CCDC186: variants seen among roughly 807,000 people sequenced by gnomAD.
CCDC186 encodes coiled-coil domain containing 186.
A neutral mutation model predicts 113.7 loss-of-function variants in CCDC186; 49 were observed. The observed-to-expected ratio is 0.43, with a 90% CI of 0.34 to 0.55. CCDC186 has a LOEUF of 0.55. CCDC186 is among the 20% of genes least tolerant of loss of function. The probability of loss-of-function intolerance (pLI) is 0.02; values close to 1 mark genes in which losing one functional copy is unlikely to be tolerated. For missense variants in CCDC186, 890 were observed against 1,011.1 expected (o/e 0.88, Z 1.62); for synonymous variants, 355 against 345.8 (o/e 1.03, Z -0.30).
At position 114,134,807 on chromosome 10, in the gene CCDC186, A is replaced by G. The variant is rs921930480; in HGVS notation, c.1655+106T>C. 3.1e-6 allele frequency: 4 copies of G among 1,280,492 alleles called. No individual in the cohort carries two copies. In the African/African-American group the frequency reaches 6.1e-5, roughly 20 times the overall value. The allele number at this position is 1,280,492 out of a possible 1,614,324, so 79.3% of individuals were successfully genotyped here. On this transcript the variant is annotated intron_variant, in intron 10 of 15. Coordinates refer to ENST00000369287, the MANE Select transcript of CCDC186 (RefSeq NM_018017.4). ...AAAATATTTAAAAATTTCAGCTAGT[A>G]AAATTGTAAAATTTTTTGTTTAATG...
intron 10 of CCDC186, among the ~76,000 whole-genome samples, chr10:114,132,912 C>T: frequency 6.6e-6 from 1 of 152,182 alleles, no homozygotes; most frequent in Non-Finnish European, 1.5e-5. Flanking sequence ...AATCCATAAA[C>T]ATCTGTTAAT....
At chr10:114,145,346 C>T (rs1021551075) in intron 5 of CCDC186, among the ~76,000 whole-genome samples, 1 of 151,840 alleles carries the variant, frequency 6.6e-6, no homozygotes, top group Non-Finnish European at 1.5e-5. Context: ...CTTATTTTTT[C>T]CCTAGCAAAC....
intron 6 of CCDC186, 83 bp downstream of exon 6, chr10:114,144,414 T>G: frequency 6.8e-7 from 1 of 1,477,322 alleles, no homozygotes; most frequent in South Asian, 1.3e-5. Context: ...AGAGCGAGAC[T>G]CCGTCTCAAA....
intron 6 of CCDC186, among the ~76,000 whole-genome samples, chr10:114,140,245 T>C (rs761487069): frequency 6.6e-6 from 1 of 152,232 alleles, no homozygotes. Flanking sequence ...GATGAAAGTT[T>C]AGATAGAATA....
chr10:114,152,708 CTTAA>C (rs1482367310), intron 3 of CCDC186, among the ~76,000 whole-genome samples: 2 of 151,924 alleles, frequency 1.3e-5, no homozygotes, highest in African/African-American at 4.8e-5. Context: ...AACTAACAGA[CTTAA>C]TTAAAGAAAC....
chr10:114,157,405 T>G, intron 3 of CCDC186, 149 bp downstream of exon 3: 4 of 494,216 alleles, frequency 8.1e-6, no homozygotes, highest in Non-Finnish European at 6.6e-6. Context: ...TTGCCCAGGC[T>G]GGTCTCAAAC....
At chr10:114,135,807 T>C (rs1332989090) in intron 9 of CCDC186, 84 bp downstream of exon 9, 2 of 1,086,594 alleles carry the variant, frequency 1.8e-6, no homozygotes, top group Non-Finnish European at 2.7e-6. Flanking sequence ...TAATGTCCTT[T>C]CCCCACCACT....
Position 114,144,606 on chromosome 10 carries a change from G to T in CCDC186, c.1112C>A (p.Thr371Lys). The change falls in exon 6 of 16, where the codon ACG becomes AAG. Residue 371 changes from threonine to lysine, a missense_variant. Physicochemically the swap from Thr to Lys is moderately conservative, Grantham distance 78. Transcript: ENST00000369287. ...GTCTATTTCTCTGATGAGTCTAGTCGTTTCGCCTTCCTAAAATAATATCAC... is the reference window on the plus strand; with the variant it reads ...GTCTATTTCTCTGATGAGTCTAGTCTTTTCGCCTTCCTAAAATAATATCAC... The part of the protein sequence containing the change: ...HQLYETKEGE[T>K]TRLIREIDKL... 6.2e-7 allele frequency: 1 copy of T among 1,608,038 alleles called. No homozygotes were observed. Among genetic ancestry groups the T allele is most frequent in the Non-Finnish European group, 8.5e-7 (1 of 1,176,528 alleles).
intron 1 of CCDC186, among the ~76,000 whole-genome samples, chr10:114,164,185 A>G (rs1469617469): frequency 7.7e-6 from 1 of 129,102 alleles, no homozygotes; most frequent in Non-Finnish European, 1.6e-5. Flanking sequence ...CAATGGTGAG[A>G]TCTCGGCTCA....
At position 114,166,933 on chromosome 10, in the gene CCDC186, G is replaced by GT. The variant is rs541266928; in HGVS notation, c.-61-3605dup. ...TAACCTCAAAAGGCAAGTACTTTCT[G>GT]TAACTTCTGTCAGCAATATGCTCAT... On this transcript the variant is annotated intron_variant, in intron 1 of 15. Coordinates refer to ENST00000369287, the MANE Select transcript of CCDC186 (RefSeq NM_018017.4). Among the ~76,000 whole-genome samples the GT allele has an allele frequency of 4.6e-5, 7 of 150,970 alleles. No individual in the cohort carries two copies. In the East Asian group the frequency reaches 1.2e-3, roughly 25 times the overall value.
At chr10:114,143,732 C>T (rs984813306) in intron 6 of CCDC186, among the ~76,000 whole-genome samples, 7 of 152,224 alleles carry the variant, frequency 4.6e-5, no homozygotes, top group South Asian at 4.1e-4. Context: ...CTATTTAATG[C>T]GGTAATCCAC....
chr10:114,133,748 C>T (rs367784000), intron 10 of CCDC186, among the ~76,000 whole-genome samples: 1 of 152,026 alleles, frequency 6.6e-6, no homozygotes, highest in Non-Finnish European at 1.5e-5. Flanking sequence ...AGGGATACAT[C>T]AGTAATTTTT....
chr10:114,125,305 T>C, intron 15 of CCDC186, 79 bp from the exon 16 acceptor site: 1 of 1,120,440 alleles, frequency 8.9e-7, no homozygotes, highest in South Asian at 1.5e-5. Context: ...TGAACTATTT[T>C]TTGCCTAAAT....
intron 4 of CCDC186, among the ~76,000 whole-genome samples, chr10:114,147,703 A>C (rs1218833926): frequency 6.6e-6 from 1 of 152,242 alleles, no homozygotes; most frequent in Non-Finnish European, 1.5e-5. Flanking sequence ...AGAATTTATA[A>C]ATCAGAAGCT....
chr10:114,149,802 AAGGAAGGAAGGAAGGC>A (rs879874973), intron 4 of CCDC186, among the ~76,000 whole-genome samples: 1,525 of 39,648 alleles, frequency 0.038, 24 homozygotes, highest in South Asian at 0.13. Flanking sequence ...GGAAGGAAGG[AAGGAAGGAAGGAAGGC>A]AGGAAGGCAG....
At chr10:114,144,714 A>G (rs2031582891) in intron 5 of CCDC186, 98 bp from the exon 6 acceptor site, 1 of 1,090,380 alleles carries the variant, frequency 9.2e-7, no homozygotes, top group African/African-American at 1.6e-5. Context: ...TAACACTATA[A>G]TCAAGGGCTG....
Position 114,163,039 on chromosome 10 carries a change from T to G in CCDC186, c.230A>C (p.Glu77Ala), listed in dbSNP as rs2032226763. Residue 77 changes from glutamate to alanine, a missense_variant, in exon 2 of 16, where the codon GAG becomes GCG. By Grantham distance (107) the Glu-to-Ala change is moderately radical. Transcript: ENST00000369287. ...ENYIPDHGGG[E>A]DSCAKTDTGS... ...TGTGTCTGTTTTGGCACAAGAATCC[T>G]CACCTCCACCATGATCTGGAATATA... 10 of 1,614,148 alleles carry G rather than the reference T, an allele frequency of 6.2e-6. No homozygotes were observed. The highest frequency in any genetic ancestry group is 8.5e-6 in the Non-Finnish European group (10 of 1,179,996).
intron 10 of CCDC186, among the ~76,000 whole-genome samples, chr10:114,133,735 T>G (rs2031166583): frequency 6.6e-6 from 1 of 152,184 alleles, no homozygotes; most frequent in African/African-American, 2.4e-5. Context: ...GTCTACCATA[T>G]GCAGGGATAC....
chr10:114,149,090 A>G (rs2031733374), intron 4 of CCDC186, among the ~76,000 whole-genome samples: 1 of 152,248 alleles, frequency 6.6e-6, no homozygotes, highest in Non-Finnish European at 1.5e-5. Flanking sequence ...AGACAGATCT[A>G]TTAATAATTA....
Sources: gnomAD v4.1 joint callset for allele counts (sites outside exome capture counted in the v4.1 genomes callset) on GRCh38, gnomAD v4.1.1 for gene constraint, MANE v1.5 for transcripts, NCBI Gene and HGNC (gene_info 2026-07-23, HGNC 2026-07-21) for gene names.